ROBO1: variants seen among roughly 807,000 people sequenced by gnomAD.
ROBO1 encodes roundabout homolog 1.
Under a neutral mutation model 195.9 loss-of-function variants are expected in ROBO1, and 149 were observed. The observed-to-expected ratio is 0.76, with a 90% CI of 0.67 to 0.87. The LOEUF (loss-of-function observed/expected upper bound fraction) is 0.87. Ranked by LOEUF, ROBO1 falls within the 40% of genes least tolerant of loss-of-function variation. ROBO1 has a pLI of 0.00. For synonymous variants in ROBO1, 816 were observed against 733.2 expected (o/e 1.11, Z -1.82); for missense variants, 1,933 against 2,068.3 (o/e 0.93, Z 1.27).
intron 27 of ROBO1, among the ~76,000 whole-genome samples, chr3:78,615,402 G>C (rs1377372546): frequency 2.0e-5 from 3 of 152,106 alleles, no homozygotes; most frequent in Non-Finnish European, 2.9e-5. Flanking sequence ...GCTAGTTCTG[G>C]ATACTTAACG....
At chr3:79,638,782 T>G (rs1945571941) in intron 1 of ROBO1, among the ~76,000 whole-genome samples, 1 of 152,192 alleles carries the variant, frequency 6.6e-6, no homozygotes, top group South Asian at 2.1e-4. Flanking sequence ...ACATTCACTG[T>G]GTGTAAGAAA....
intron 4 of ROBO1, among the ~76,000 whole-genome samples, chr3:78,785,461 C>T (rs1559853720): frequency 6.6e-6 from 1 of 152,158 alleles, no homozygotes; most frequent in Non-Finnish European, 1.5e-5. Flanking sequence ...AAACACTAAA[C>T]TGTAGGCTGC....
At chr3:78,642,874 A>C (rs1374109837) in intron 21 of ROBO1, among the ~76,000 whole-genome samples, 1 of 152,148 alleles carries the variant, frequency 6.6e-6, no homozygotes, top group Non-Finnish European at 1.5e-5. Flanking sequence ...CTTTTATCAG[A>C]GGAAAAAATA....
rs141174218 is a variant in ROBO1, at chr3:78,984,552, G to A, written c.173-45625C>T. Reference sequence around the variant, plus strand: ...ATAAAGGTATTTTAATGCCTTTCCGGTCCATGCTTTCAGTGTATTTCTCTG... The same window carrying A: ...ATAAAGGTATTTTAATGCCTTTCCGATCCATGCTTTCAGTGTATTTCTCTG... On this transcript the variant is annotated intron_variant, in intron 3 of 30. Coordinates refer to ENST00000464233, the MANE Select transcript of ROBO1 (RefSeq NM_002941.4). 9.7e-4 allele frequency among the ~76,000 whole-genome samples: 147 copies of A among 152,212 alleles called. 1 individual carries two copies. The East Asian group carries it at 0.016, about 17-fold the overall frequency.
At chr3:78,829,306 C>A (rs1390587546) in intron 4 of ROBO1, among the ~76,000 whole-genome samples, 1 of 152,046 alleles carries the variant, frequency 6.6e-6, no homozygotes, top group East Asian at 1.9e-4. Context: ...TATTATAACA[C>A]TGTCATTTTT....
chr3:79,284,324 T>C (rs1431732198), intron 2 of ROBO1, among the ~76,000 whole-genome samples: 4 of 152,124 alleles, frequency 2.6e-5, no homozygotes, highest in Non-Finnish European at 4.4e-5. Flanking sequence ...GAACATAAAG[T>C]ATTTCTTAAG....
intron 2 of ROBO1, among the ~76,000 whole-genome samples, chr3:79,542,307 C>T (rs764053242): frequency 3.3e-5 from 5 of 151,972 alleles, no homozygotes; most frequent in Non-Finnish European, 7.4e-5. Context: ...TACACATGAA[C>T]TTCAAGTGTT....
chr3:79,158,607 G>A (rs1039580591), intron 2 of ROBO1, among the ~76,000 whole-genome samples: 2 of 151,318 alleles, frequency 1.3e-5, no homozygotes, highest in Non-Finnish European at 3.0e-5. Context: ...AATGTATTTT[G>A]TATTTTGTTG....
At chr3:79,459,382 G>A (rs975810914) in intron 2 of ROBO1, among the ~76,000 whole-genome samples, 2 of 152,086 alleles carry the variant, frequency 1.3e-5, no homozygotes, top group African/African-American at 4.8e-5. Context: ...GTGTGACACT[G>A]AATGTTCATT....
chr3:79,561,860 T>A (rs1942932635), intron 2 of ROBO1, among the ~76,000 whole-genome samples: 1 of 152,142 alleles, frequency 6.6e-6, no homozygotes, highest in African/African-American at 2.4e-5. Context: ...TCTACATGTC[T>A]ATTAGACATA....
chr3:78,639,255 G>A (rs573996780), intron 22 of ROBO1, among the ~76,000 whole-genome samples: 11 of 151,892 alleles, frequency 7.2e-5, no homozygotes, highest in East Asian at 2.0e-4. Context: ...CCAGGAGTTC[G>A]AGGCCAGCCT....
chr3:78,642,129 A>ATGG (rs1259574872), intron 21 of ROBO1, among the ~76,000 whole-genome samples: 1 of 152,134 alleles, frequency 6.6e-6, no homozygotes, highest in Non-Finnish European at 1.5e-5. Flanking sequence ...AAAAATACAC[A>ATGG]TGGTGGTTAT....
intron 4 of ROBO1, among the ~76,000 whole-genome samples, chr3:78,849,541 T>C (rs1029265997): frequency 5.9e-5 from 9 of 152,132 alleles, no homozygotes; most frequent in African/African-American, 1.7e-4. Flanking sequence ...GGAGTTATTA[T>C]AACAATAACA....
At chr3:79,176,050 G>T (rs939201105) in intron 2 of ROBO1, among the ~76,000 whole-genome samples, 4 of 152,146 alleles carry the variant, frequency 2.6e-5, no homozygotes, top group African/African-American at 4.8e-5. Context: ...GGGCCAATCT[G>T]GTTTATATCT....
chr3:79,629,389 C>T (rs769742528), intron 1 of ROBO1, among the ~76,000 whole-genome samples: 11 of 151,968 alleles, frequency 7.2e-5, no homozygotes, highest in Non-Finnish European at 1.3e-4. Flanking sequence ...AAATAACTTG[C>T]TCCTAAATGA....
intron 2 of ROBO1, among the ~76,000 whole-genome samples, chr3:79,467,787 G>T (rs900033384): frequency 2.0e-5 from 3 of 152,162 alleles, no homozygotes; most frequent in Non-Finnish European, 4.4e-5. Context: ...CTGGCTGGCA[G>T]GGCTAAAGGA....
intron 2 of ROBO1, among the ~76,000 whole-genome samples, chr3:79,387,908 A>G (rs1003500413): frequency 1.3e-5 from 2 of 152,110 alleles, no homozygotes; most frequent in Non-Finnish European, 2.9e-5. Context: ...GGACGGCCTT[A>G]TGAGCTCCTT....
chr3:79,577,717 A>AACACAC (rs58998352), intron 2 of ROBO1, among the ~76,000 whole-genome samples: 2,774 of 140,636 alleles, frequency 0.02, 59 homozygotes, highest in African/African-American at 0.06. Flanking sequence ...CTTTACTAAA[A>AACACAC]ACACACACAC....
intron 28 of ROBO1, among the ~76,000 whole-genome samples, chr3:78,610,960 A>T (rs1407962240): frequency 6.6e-6 from 1 of 152,188 alleles, no homozygotes; most frequent in Non-Finnish European, 1.5e-5. Context: ...ACATAGTGAT[A>T]TATAGTGCTT....
Sources: allele counts gnomAD v4.1 joint callset (sites outside exome capture counted in the v4.1 genomes callset), GRCh38; gene constraint gnomAD v4.1.1; transcripts MANE v1.5; gene names NCBI Gene and HGNC (gene_info 2026-07-23, HGNC 2026-07-21).